The following PTPRK variants were observed in gnomAD, a reference collection of about 807,000 sequenced individuals.
PTPRK encodes receptor-type tyrosine-protein phosphatase kappa.
PTPRK carries 75 observed loss-of-function variants against 178.0 expected under a neutral mutation model. The ratio of observed to expected loss-of-function variants is 0.42; its 90% CI spans 0.35 to 0.51. The LOEUF is 0.51. Among genes scored for constraint, PTPRK ranks in the 20% least tolerant of loss-of-function variants. The pLI, the probability that PTPRK is intolerant of heterozygous loss-of-function variation, is 0.02. For synonymous variants in PTPRK, 637 were observed against 620.6 expected, an observed-to-expected ratio of 1.03 and a Z score of -0.39; for missense variants, 1,441 against 1,797.8, an observed-to-expected ratio of 0.80 and a Z score of 3.59.
chr6:128,515,392 T>C (rs1857829801), intron 1 of PTPRK, among the ~76,000 whole-genome samples: 1 of 152,074 alleles, frequency 6.6e-6, no homozygotes, highest in African/African-American at 2.4e-5. Flanking sequence ...TTTTTTTCAG[T>C]ACTATGACAA....
intron 13 of PTPRK, among the ~76,000 whole-genome samples, chr6:128,041,918 T>C (rs1458722269): frequency 6.6e-6 from 1 of 151,950 alleles, no homozygotes; most frequent in African/African-American, 2.4e-5. Context: ...TTTGTGTGTG[T>C]GTCTGGAAAG....
intron 1 of PTPRK, among the ~76,000 whole-genome samples, chr6:128,411,048 C>T (rs1015559803): frequency 3.9e-5 from 6 of 152,144 alleles, no homozygotes; most frequent in South Asian, 2.1e-4. Context: ...CATGCCACGA[C>T]GCCTGGCTAA....
At chr6:128,396,483 T>C (rs1840317504) in intron 2 of PTPRK, among the ~76,000 whole-genome samples, 1 of 152,000 alleles carries the variant, frequency 6.6e-6, no homozygotes. Flanking sequence ...TTTAATGTTA[T>C]TGCTAAGCAT....
At chr6:128,398,422 T>A (rs1334382457) in intron 1 of PTPRK, among the ~76,000 whole-genome samples, 1 of 152,158 alleles carries the variant, frequency 6.6e-6, no homozygotes, top group Non-Finnish European at 1.5e-5. Flanking sequence ...GTCAGGTGAA[T>A]CAGCCTTAGG....
At chr6:128,520,191 G>A (rs1044060259) in intron 1 of PTPRK, 68 bp downstream of exon 1, 5 of 1,358,984 alleles carry the variant, frequency 3.7e-6, no homozygotes, top group Non-Finnish European at 5.1e-6. Flanking sequence ...GCCCTAGCGG[G>A]GACCTGGCTC....
chr6:128,284,015 C>G (rs927728701), intron 3 of PTPRK, among the ~76,000 whole-genome samples: 3 of 152,140 alleles, frequency 2.0e-5, no homozygotes, highest in African/African-American at 7.2e-5. Context: ...GAGGTTCTCT[C>G]TGTTTCTCTC....
chr6:128,255,678 G>A (rs1817171520), intron 3 of PTPRK, among the ~76,000 whole-genome samples: 1 of 152,172 alleles, frequency 6.6e-6, no homozygotes, highest in East Asian at 1.9e-4. Context: ...AGACAGATCA[G>A]GTCAAAAGTT....
At chr6:128,270,909 G>T (rs1472235187) in intron 3 of PTPRK, among the ~76,000 whole-genome samples, 2 of 151,978 alleles carry the variant, frequency 1.3e-5, no homozygotes, top group Non-Finnish European at 2.9e-5. Flanking sequence ...CTGCACATAT[G>T]CTGTATAAAA....
chr6:128,365,612 T>C (rs781553105), intron 2 of PTPRK, among the ~76,000 whole-genome samples: 6 of 152,080 alleles, frequency 3.9e-5, no homozygotes, highest in Admixed American at 3.9e-4. Flanking sequence ...CCAGCCATGG[T>C]GTGCATAGCT....
At chr6:128,166,311 C>A (rs1799391052) in intron 7 of PTPRK, among the ~76,000 whole-genome samples, 1 of 151,438 alleles carries the variant, frequency 6.6e-6, no homozygotes, top group Admixed American at 6.6e-5. Flanking sequence ...AATATTTTAT[C>A]CCCTTAAAAA....
intron 4 of PTPRK, 151 bp from the exon 5 acceptor site, chr6:128,240,301 CG>C: frequency 3.2e-6 from 2 of 619,126 alleles, no homozygotes; most frequent in Non-Finnish European, 5.7e-6. Context: ...TTTTTTGTGC[CG>C]GAAGACACCA....
At chr6:128,328,445 G>A (rs2128324288) in intron 2 of PTPRK, among the ~76,000 whole-genome samples, 1 of 152,314 alleles carries the variant, frequency 6.6e-6, no homozygotes, top group South Asian at 2.1e-4. Flanking sequence ...GGCAGCACTA[G>A]TTCTAACTAT....
chr6:128,445,857 C>T (rs1016316006), intron 1 of PTPRK, among the ~76,000 whole-genome samples: 1 of 152,082 alleles, frequency 6.6e-6, no homozygotes, highest in African/African-American at 2.4e-5. Flanking sequence ...ATTCTTTCAC[C>T]TGTTTTCTTT....
chr6:128,318,306 T>C (rs1430568322), intron 3 of PTPRK, among the ~76,000 whole-genome samples: 2 of 152,194 alleles, frequency 1.3e-5, no homozygotes, highest in Admixed American at 6.5e-5. Flanking sequence ...CCAAAGCCAG[T>C]GGAATCTCTG....
intron 1 of PTPRK, among the ~76,000 whole-genome samples, chr6:128,469,712 G>A (rs1199308824): frequency 6.6e-6 from 1 of 152,162 alleles, no homozygotes; most frequent in African/African-American, 2.4e-5. Context: ...AGGAATTAAG[G>A]TTGATAATCA....
At chr6:128,498,287 C>T (rs2128435292) in intron 1 of PTPRK, among the ~76,000 whole-genome samples, 1 of 152,298 alleles carries the variant, frequency 6.6e-6, no homozygotes, top group Non-Finnish European at 1.5e-5. Context: ...AGGCTTGCCC[C>T]TTGTTGATGC....
intron 6 of PTPRK, among the ~76,000 whole-genome samples, chr6:128,196,716 C>T (rs1804916195): frequency 6.6e-6 from 1 of 152,122 alleles, no homozygotes; most frequent in South Asian, 2.1e-4. Flanking sequence ...TCTTTCACAG[C>T]TACTGTTCCT....
chr6:127,976,592 T>C, intron 27 of PTPRK, 65 bp downstream of exon 27: 1 of 1,579,548 alleles, frequency 6.3e-7, no homozygotes. Context: ...TGAATAAAAT[T>C]ATACCACATC....
At chr6:128,151,594 C>T (rs1797255729) in intron 7 of PTPRK, among the ~76,000 whole-genome samples, 1 of 151,826 alleles carries the variant, frequency 6.6e-6, no homozygotes, top group South Asian at 2.1e-4. Context: ...ATATACACAC[C>T]TATTTGTCAG....
Sources: allele counts gnomAD v4.1 joint callset (sites outside exome capture counted in the v4.1 genomes callset), GRCh38; gene constraint gnomAD v4.1.1; transcripts MANE v1.5; gene names NCBI Gene and HGNC (gene_info 2026-07-23, HGNC 2026-07-21).